Variants in SMARCAL1 observed in about 807,000 individuals in gnomAD.
SMARCAL1 encodes the protein ATP-driven annealing helicase.
A neutral mutation model predicts 94.5 loss-of-function variants in SMARCAL1; 58 were observed. That is an observed-to-expected ratio of 0.61 (90% CI 0.50 to 0.76). The LOEUF (loss-of-function observed/expected upper bound fraction) is 0.76. Ranked by LOEUF, SMARCAL1 falls within the 30% of genes least tolerant of loss-of-function variation. The pLI, the probability that SMARCAL1 is intolerant of heterozygous loss-of-function variation, is 0.00. For missense variants in SMARCAL1, 1,051 were observed against 1,177.9 expected (o/e 0.89, Z 1.58); for synonymous variants, 422 against 455.1 (o/e 0.93, Z 0.93).
At chr2:216,438,996 C>T (rs970210710) in intron 10 of SMARCAL1, among the ~76,000 whole-genome samples, 6 of 152,216 alleles carry the variant, frequency 3.9e-5, no homozygotes, top group East Asian at 3.9e-4. Context: ...CAAGGGCTGG[C>T]GGGGTCAGCG....
At chr2:216,433,699 A>C (rs1482869422) in intron 8 of SMARCAL1, among the ~76,000 whole-genome samples, 1 of 152,174 alleles carries the variant, frequency 6.6e-6, no homozygotes, top group Non-Finnish European at 1.5e-5. Flanking sequence ...CTGTAAATCC[A>C]GGAATCAGAG....
At chr2:216,432,669 T>A (rs1693990749) in intron 7 of SMARCAL1, 49 bp from the exon 8 acceptor site, 1 of 1,610,946 alleles carries the variant, frequency 6.2e-7, no homozygotes, top group Admixed American at 1.7e-5. Context: ...TGAGGGCAGA[T>A]GAACTCATGC....
intron 7 of SMARCAL1, among the ~76,000 whole-genome samples, chr2:216,430,316 T>A (rs1693936051): frequency 6.6e-6 from 1 of 152,250 alleles, no homozygotes; most frequent in Non-Finnish European, 1.5e-5. Context: ...ATGCAAGAAC[T>A]ACAATTGAAC....
At chr2:216,429,510 G>T (rs745797748) in intron 7 of SMARCAL1, among the ~76,000 whole-genome samples, 2 of 152,218 alleles carry the variant, frequency 1.3e-5, no homozygotes, top group Non-Finnish European at 2.9e-5. Flanking sequence ...GCAAAATGCC[G>T]TATTTGAACT....
chr2:216,418,155 G>A (rs1023091091), intron 4 of SMARCAL1, among the ~76,000 whole-genome samples: 2 of 152,212 alleles, frequency 1.3e-5, no homozygotes, highest in African/African-American at 2.4e-5. Flanking sequence ...CTGACCTCAG[G>A]TGATCTACCT....
chr2:216,469,698 C>T (rs373054299), intron 14 of SMARCAL1, among the ~76,000 whole-genome samples: 48 of 152,234 alleles, frequency 3.2e-4, no homozygotes, highest in African/African-American at 8.7e-4. Context: ...TGTATCTATG[C>T]ATTTCTTTAT....
intron 10 of SMARCAL1, among the ~76,000 whole-genome samples, chr2:216,438,828 C>A (rs1486128794): frequency 6.6e-6 from 1 of 152,126 alleles, no homozygotes; most frequent in Non-Finnish European, 1.5e-5. Context: ...AGCAGCTTGT[C>A]CACTAATTAG....
intron 11 of SMARCAL1, among the ~76,000 whole-genome samples, chr2:216,448,421 A>G (rs1694368062): frequency 6.6e-6 from 1 of 152,202 alleles, no homozygotes; most frequent in Non-Finnish European, 1.5e-5. Flanking sequence ...TAAAGATAAA[A>G]TTGATTGCCT....
chr2:216,437,776 A>G (rs1471837988), intron 9 of SMARCAL1, among the ~76,000 whole-genome samples: 1 of 152,002 alleles, frequency 6.6e-6, no homozygotes. Flanking sequence ...AAGAATAAAG[A>G]AAAACAAACT....
chr2:216,415,105 CT>C lies in SMARCAL1; in HGVS notation c.402del (p.Lys135AsnfsTer5). 6.2e-7 allele frequency: 1 copy of C among 1,613,932 alleles called. No homozygotes were observed. Among genetic ancestry groups the C allele is most frequent in the South Asian group, 1.1e-5 (1 of 91,086 alleles). ...TTGGCACAAAGTCCTCCAGAGGTCC[CT>C]AAACAACAGCTCTTGAGTTATGAGT... ...PPLAQSPPEV[P>X]KQQLLSYELG... On this transcript the variant is annotated frameshift_variant, in exon 3 of 18. Coordinates refer to ENST00000357276, the MANE Select transcript of SMARCAL1 (RefSeq NM_014140.4). LOFTEE classifies it high-confidence loss of function.
chr2:216,482,667 C>T lies in SMARCAL1; in HGVS notation c.2626-71C>T, dbSNP rs2106094679. Reference sequence around the variant, plus strand: ...CTCATCTTTATATTCTCTCATCAGCCCTAGTGGAGGAGAGTCAGTGTTGGA... The same window carrying T: ...CTCATCTTTATATTCTCTCATCAGCTCTAGTGGAGGAGAGTCAGTGTTGGA... On this transcript the variant is annotated intron_variant, in intron 17 of 17. Coordinates refer to ENST00000357276, the MANE Select transcript of SMARCAL1 (RefSeq NM_014140.4). This position sits in a 1 kb window ranked among gnomAD's most constrained non-coding sequence, Gnocchi z 4.3. The T allele has an allele frequency of 6.3e-7, 1 of 1,594,618 alleles. No homozygotes were observed. Among genetic ancestry groups the T allele is most frequent in the Non-Finnish European group, 8.6e-7 (1 of 1,162,688 alleles).
chr2:216,472,171 A>G (rs931877098), intron 14 of SMARCAL1, among the ~76,000 whole-genome samples: 1 of 152,200 alleles, frequency 6.6e-6, no homozygotes, highest in African/African-American at 2.4e-5. Flanking sequence ...CCTGGACAAC[A>G]TGGCGGAACC....
chr2:216,440,616 T>C (rs1010980909), intron 10 of SMARCAL1, among the ~76,000 whole-genome samples: 1 of 152,238 alleles, frequency 6.6e-6, no homozygotes, highest in Non-Finnish European at 1.5e-5. Context: ...TCCGCAACGT[T>C]GACTTCATAT....
At position 216,475,470 on chromosome 2, in the gene SMARCAL1, T is replaced by A. The variant is rs757314284; in HGVS notation, c.2427+19T>A. On this transcript the variant is annotated intron_variant, in intron 15 of 17. Transcript: ENST00000357276. The surrounding 1 kb of genome is among the most constrained non-coding windows in gnomAD (Gnocchi z 4.4). Reference sequence around the variant, plus strand: ...CCCAGGGGTAAGAGACGCAGAAGACTCAGATACTCCCCAGGCATGCTCATG... The same window carrying A: ...CCCAGGGGTAAGAGACGCAGAAGACACAGATACTCCCCAGGCATGCTCATG... The A allele has an allele frequency of 1.1e-5, 18 of 1,613,278 alleles. No homozygotes were observed. The highest frequency in any genetic ancestry group is 1.4e-5 in the Non-Finnish European group (17 of 1,179,250).
chr2:216,477,171 C>T lies in SMARCAL1; in HGVS notation c.2490C>T (p.His830=). The part of the protein sequence containing the change: ...RIGQTSSVGI[H]YLVAKGTADD... ...GACAGACCAGCTCCGTGGGCATTCACTACCTCGTGGCAAAGGGCACAGCTG... is the reference window on the plus strand; with the variant it reads ...GACAGACCAGCTCCGTGGGCATTCATTACCTCGTGGCAAAGGGCACAGCTG... The change falls in exon 16 of 18, where the codon CAC becomes CAT. Residue 830 remains histidine, a synonymous_variant. Transcript: ENST00000357276. 6.3e-7 allele frequency: 1 copy of T among 1,598,324 alleles called. No homozygotes were observed. Among genetic ancestry groups the T allele is most frequent in the Non-Finnish European group, 8.5e-7 (1 of 1,172,566 alleles).
chr2:216,416,964 C>G (rs1043162957), intron 4 of SMARCAL1, among the ~76,000 whole-genome samples: 1 of 152,234 alleles, frequency 6.6e-6, no homozygotes, highest in Non-Finnish European at 1.5e-5. Context: ...TCACTTGATC[C>G]TGGTACATGG....
chr2:216,437,446 G>C (rs1453147453), intron 9 of SMARCAL1, among the ~76,000 whole-genome samples: 1 of 152,170 alleles, frequency 6.6e-6, no homozygotes, highest in Non-Finnish European at 1.5e-5. Context: ...TAAGGACAGC[G>C]TTGGGATCTC....
chr2:216,420,581 A>G, intron 5 of SMARCAL1, 49 bp downstream of exon 5: 1 of 1,438,950 alleles, frequency 6.9e-7, no homozygotes. Flanking sequence ...GTGGTCTGTG[A>G]TCTCAACATA....
chr2:216,422,813 G>T (rs1360252411), intron 5 of SMARCAL1, among the ~76,000 whole-genome samples: 6 of 152,234 alleles, frequency 3.9e-5, no homozygotes, highest in African/African-American at 1.4e-4. Context: ...TCAAAAGATA[G>T]ATTAGTAGAG....
Sources: gnomAD v4.1 joint callset for allele counts (sites outside exome capture counted in the v4.1 genomes callset) on GRCh38, gnomAD v4.1.1 for gene constraint, Gnocchi (gnomAD v3.1) non-coding constraint, MANE v1.5 for transcripts, NCBI Gene and HGNC (gene_info 2026-07-23, HGNC 2026-07-21) for gene names.